The following SRGAP3 variants were observed in gnomAD, a reference collection of about 807,000 sequenced individuals.
SRGAP3 encodes SLIT-ROBO Rho GTPase activating protein 3, also known as SLIT-ROBO Rho GTPase-activating protein 3.
SRGAP3 carries 39 observed loss-of-function variants against 121.1 expected under a neutral mutation model. That is an observed-to-expected ratio of 0.32 (90% CI 0.25 to 0.42). The LOEUF (loss-of-function observed/expected upper bound fraction) is 0.42. Among genes scored for constraint, SRGAP3 ranks in the 10% least tolerant of loss-of-function variants. The pLI is 1.00. For synonymous variants in SRGAP3, 601 were observed against 570.0 expected (o/e 1.05, Z -0.77); for missense variants, 1,213 against 1,470.6 (o/e 0.82, Z 2.86).
intron 1 of SRGAP3, among the ~76,000 whole-genome samples, chr3:9,221,519 A>G (rs947352058): frequency 6.6e-6 from 1 of 152,218 alleles, no homozygotes; most frequent in African/African-American, 2.4e-5. Context: ...CCTGGGCAAC[A>G]GAGCAAGGCC....
At chr3:9,191,409 G>T (rs1313563777) in intron 1 of SRGAP3, among the ~76,000 whole-genome samples, 1 of 152,188 alleles carries the variant, frequency 6.6e-6, no homozygotes, top group Non-Finnish European at 1.5e-5. Context: ...GTTTCCTATT[G>T]TGTGGAAAAC....
chr3:9,312,961 C>T (rs11914720), intron 3 of SRGAP3, among the ~76,000 whole-genome samples: 8,535 of 152,164 alleles, frequency 0.056, 819 homozygotes, highest in African/African-American at 0.19. Context: ...CACTGCACTA[C>T]GGCCTGGGTG....
At chr3:9,220,780 C>T (rs1574893973) in intron 1 of SRGAP3, among the ~76,000 whole-genome samples, 1 of 152,158 alleles carries the variant, frequency 6.6e-6, no homozygotes, top group Admixed American at 6.5e-5. Context: ...TCACTGGCTC[C>T]CTAGATGATT....
intron 14 of SRGAP3, among the ~76,000 whole-genome samples, chr3:9,022,840 AG>A (rs1273042252): frequency 1.3e-5 from 2 of 152,190 alleles, no homozygotes; most frequent in Non-Finnish European, 2.9e-5. Context: ...CGTGAGGAAA[AG>A]AAAAAGGAAA....
chr3:9,348,947 A>G, intron 1 of SRGAP3: 1 of 947,728 alleles, frequency 1.1e-6, no homozygotes. Context: ...GAATGAAGAA[A>G]TAGTTCCCCA....
chr3:9,062,808 C>T (rs1297836815), intron 5 of SRGAP3, among the ~76,000 whole-genome samples: 2 of 152,192 alleles, frequency 1.3e-5, no homozygotes, highest in African/African-American at 4.8e-5. Flanking sequence ...CATCTTTTGG[C>T]TATTAAGAAT....
intron 3 of SRGAP3, among the ~76,000 whole-genome samples, chr3:9,305,579 GC>G (rs1955146143): frequency 6.6e-6 from 1 of 151,352 alleles, no homozygotes; most frequent in African/African-American, 2.4e-5. Flanking sequence ...CCCCCGACAG[GC>G]CCCAGTGTGT....
intron 1 of SRGAP3, among the ~76,000 whole-genome samples, chr3:9,146,870 G>A (rs1950043755): frequency 1.3e-5 from 2 of 152,200 alleles, no homozygotes; most frequent in Non-Finnish European, 2.9e-5. Context: ...AATTGTTCAT[G>A]TACACGTGAG....
chr3:9,106,565 T>G (rs1275445706), intron 2 of SRGAP3, among the ~76,000 whole-genome samples: 1 of 152,172 alleles, frequency 6.6e-6, no homozygotes, highest in Non-Finnish European at 1.5e-5. Flanking sequence ...AATTCCCACA[T>G]GTTGTGGGAA....
intron 3 of SRGAP3, among the ~76,000 whole-genome samples, chr3:9,317,976 C>A (rs1315488610): frequency 6.6e-6 from 1 of 152,240 alleles, no homozygotes; most frequent in Non-Finnish European, 1.5e-5. Context: ...GGTTCTTAAT[C>A]TACTGCACAG....
intron 3 of SRGAP3, among the ~76,000 whole-genome samples, chr3:9,096,935 TTG>T (rs1368160998): frequency 1.1e-4 from 8 of 71,246 alleles, no homozygotes; most frequent in East Asian, 4.2e-4. Context: ...TTACATTATT[TTG>T]TATATATATA....
At chr3:9,008,648 G>A (rs1157584913) in intron 18 of SRGAP3, among the ~76,000 whole-genome samples, 4 of 152,154 alleles carry the variant, frequency 2.6e-5, no homozygotes, top group Non-Finnish European at 4.4e-5. Context: ...AGAAGGTGGC[G>A]GCCTTCACAT....
At chr3:9,353,701 C>T (rs2596924) in intron 1 of SRGAP3, among the ~76,000 whole-genome samples, 73,458 of 152,080 alleles carry the variant, frequency 0.48, 18,989 homozygotes, top group South Asian at 0.71. Flanking sequence ...AAAGGTCCTT[C>T]GGGTTAAAGG....
chr3:9,151,818 C>T (rs1174334819), intron 1 of SRGAP3, among the ~76,000 whole-genome samples: 1 of 152,164 alleles, frequency 6.6e-6, no homozygotes, highest in African/African-American at 2.4e-5. Context: ...AAAGGTATTG[C>T]TGCCTTTGAA....
At chr3:9,353,723 C>T (rs2030327998) in intron 1 of SRGAP3, among the ~76,000 whole-genome samples, 2 of 152,188 alleles carry the variant, frequency 1.3e-5, no homozygotes, top group Non-Finnish European at 2.9e-5. Context: ...TCATGGACTC[C>T]TAGGCTATTA....
chr3:9,360,044 G>A (rs1192792214), intron 1 of SRGAP3, among the ~76,000 whole-genome samples: 1 of 152,156 alleles, frequency 6.6e-6, no homozygotes, highest in East Asian at 1.9e-4. Flanking sequence ...ATCCTCCCAT[G>A]TCAGCCTCTT....
intron 1 of SRGAP3, among the ~76,000 whole-genome samples, chr3:9,150,887 T>A (rs113629224): frequency 4.3e-4 from 66 of 152,368 alleles, no homozygotes; most frequent in African/African-American, 1.5e-3. Flanking sequence ...GAGGACTGAA[T>A]GATGGCTGAA....
At chr3:9,200,264 C>A (rs971027613) in intron 1 of SRGAP3, among the ~76,000 whole-genome samples, 1 of 152,138 alleles carries the variant, frequency 6.6e-6, no homozygotes, top group African/African-American at 2.4e-5. Flanking sequence ...AAAATTGTTT[C>A]ATTTGTATAA....
At chr3:9,294,545 A>G (rs1367577188) in intron 3 of SRGAP3, among the ~76,000 whole-genome samples, 1 of 84,416 alleles carries the variant, frequency 1.2e-5, no homozygotes, top group African/African-American at 3.6e-5. Flanking sequence ...AAACAAACAA[A>G]CAAACAAAAA....
Sources: allele counts gnomAD v4.1 joint callset (sites outside exome capture counted in the v4.1 genomes callset), GRCh38; gene constraint gnomAD v4.1.1; transcripts MANE v1.5; gene names NCBI Gene and HGNC (gene_info 2026-07-23, HGNC 2026-07-21).